L3MBTL4: variants seen among roughly 807,000 people sequenced by gnomAD.
L3MBTL4 encodes the protein lethal(3)malignant brain tumor-like protein 4.
In L3MBTL4, 70 loss-of-function variants were observed where a neutral mutation model predicts 84.5. That is an observed-to-expected ratio of 0.83 (90% CI 0.68 to 1.01). The LOEUF (loss-of-function observed/expected upper bound fraction) is 1.01, where lower values mean the gene tolerates loss of function less well. L3MBTL4 is among the 50% of genes least tolerant of loss of function. The pLI, the probability that L3MBTL4 is intolerant of heterozygous loss-of-function variation, is 0.00. For missense variants in L3MBTL4, 715 were observed against 754.8 expected (o/e 0.95, Z 0.62); for synonymous variants, 274 against 259.8 (o/e 1.05, Z -0.52).
At chr18:6,228,747 TCA>T (rs1201594400) in intron 10 of L3MBTL4, among the ~76,000 whole-genome samples, 1 of 152,050 alleles carries the variant, frequency 6.6e-6, no homozygotes, top group Non-Finnish European at 1.5e-5. Context: ...AAATGTCCCA[TCA>T]TGGAGATGCG....
At chr18:6,388,612 A>G (rs1158874642) in intron 1 of L3MBTL4, among the ~76,000 whole-genome samples, 1 of 152,188 alleles carries the variant, frequency 6.6e-6, no homozygotes, top group Admixed American at 6.5e-5. Flanking sequence ...ATGGAGAAGA[A>G]ATTGAAAATG....
chr18:6,304,152 T>C (rs1277520883), intron 3 of L3MBTL4, among the ~76,000 whole-genome samples: 1 of 152,208 alleles, frequency 6.6e-6, no homozygotes. Context: ...ATAAATACTA[T>C]TAATTTCATT....
At chr18:6,071,483 C>A (rs1568065458) in intron 16 of L3MBTL4, among the ~76,000 whole-genome samples, 1 of 150,092 alleles carries the variant, frequency 6.7e-6, no homozygotes, top group Non-Finnish European at 1.5e-5. Flanking sequence ...TTAAGAGACT[C>A]CTGTTGACTG....
intron 11 of L3MBTL4, among the ~76,000 whole-genome samples, chr18:6,215,214 A>C (rs919240016): frequency 1.5e-4 from 23 of 152,244 alleles, no homozygotes; most frequent in Non-Finnish European, 2.8e-4. Context: ...CTTTAACTGT[A>C]CTACCTATGT....
intron 16 of L3MBTL4, chr18:6,030,649 C>A: frequency 1.1e-6 from 1 of 901,082 alleles, no homozygotes; most frequent in Non-Finnish European, 1.3e-6. Context: ...CAGGTGCCTG[C>A]CACCACACCC....
intron 1 of L3MBTL4, among the ~76,000 whole-genome samples, chr18:6,363,398 A>G (rs575099251): frequency 1.1e-4 from 17 of 152,090 alleles, no homozygotes; most frequent in Non-Finnish European, 1.3e-4. Flanking sequence ...CACCACCTCC[A>G]AACTGCAATG....
intron 16 of L3MBTL4, among the ~76,000 whole-genome samples, chr18:6,008,044 G>A (rs528225473): frequency 6.6e-6 from 1 of 152,316 alleles, no homozygotes; most frequent in East Asian, 1.9e-4. Context: ...AGATAGTTGT[G>A]TTTTATGTTT....
At chr18:6,053,109 A>G (rs1449935337) in intron 16 of L3MBTL4, among the ~76,000 whole-genome samples, 1 of 152,232 alleles carries the variant, frequency 6.6e-6, no homozygotes, top group Non-Finnish European at 1.5e-5. Context: ...ATTTCCAGCT[A>G]GTGTTGGCTC....
At chr18:6,025,790 G>A (rs554746) in intron 16 of L3MBTL4, among the ~76,000 whole-genome samples, 25,547 of 152,062 alleles carry the variant, frequency 0.17, 2,728 homozygotes, top group African/African-American at 0.29. Flanking sequence ...TAGGGTTCAC[G>A]CTCCTATGAG....
chr18:6,034,393 C>A (rs939399219), intron 16 of L3MBTL4, among the ~76,000 whole-genome samples: 1 of 151,804 alleles, frequency 6.6e-6, no homozygotes, highest in Admixed American at 6.6e-5. Context: ...TAAGAATATG[C>A]GGTGTTTGGT....
intron 9 of L3MBTL4, among the ~76,000 whole-genome samples, chr18:6,239,070 G>T (rs994410554): frequency 6.6e-6 from 1 of 152,156 alleles, no homozygotes; most frequent in East Asian, 1.9e-4. Context: ...GGCCAGGCGC[G>T]GTGGCTCACG....
At chr18:5,962,067 C>T (rs2095266262) in intron 17 of L3MBTL4, among the ~76,000 whole-genome samples, 1 of 152,078 alleles carries the variant, frequency 6.6e-6, no homozygotes, top group South Asian at 2.1e-4. Flanking sequence ...GCTGGTGGTG[C>T]TTGAATTTTC....
At chr18:6,114,810 C>A (rs2059306851) in intron 14 of L3MBTL4, among the ~76,000 whole-genome samples, 1 of 152,126 alleles carries the variant, frequency 6.6e-6, no homozygotes, top group African/African-American at 2.4e-5. Context: ...GATGCAGGAC[C>A]CAGTGATGGT....
chr18:5,981,502 G>A (rs182302199), intron 16 of L3MBTL4, among the ~76,000 whole-genome samples: 33 of 152,258 alleles, frequency 2.2e-4, no homozygotes, highest in Middle Eastern at 6.8e-3. Context: ...TTCGTTATGG[G>A]ATTCAGGTCC....
In L3MBTL4 at chr18:6,241,438, C is replaced by T. The variant is rs745943777; in HGVS notation, c.472G>A (p.Asp158Asn). ...ELHIPKGYRK[D>N]KFVWMDYLKA... ...AAGTAATCCATCCAAACAAATTTATCTTTTCTATAACCTAAAAAAAGCACA... is the reference window on the plus strand; with the variant it reads ...AAGTAATCCATCCAAACAAATTTATTTTTTCTATAACCTAAAAAAAGCACA... Residue 158 changes from aspartate (D) to asparagine (N), a missense_variant, in exon 8 of 19, where the codon GAT becomes AAT. Transcript: ENST00000317931. 1 of 1,582,692 alleles carries T rather than the reference C, an allele frequency of 6.3e-7. No homozygotes were observed. Among genetic ancestry groups the T allele is most frequent in the Non-Finnish European group, 8.6e-7 (1 of 1,158,014 alleles).
At chr18:6,275,180 T>C (rs527451868) in intron 4 of L3MBTL4, among the ~76,000 whole-genome samples, 1 of 152,096 alleles carries the variant, frequency 6.6e-6, no homozygotes, top group South Asian at 2.1e-4. Context: ...ATGGGGTTGG[T>C]AGGGCCAAGA....
At chr18:6,123,214 A>C (rs2059581744) in intron 14 of L3MBTL4, among the ~76,000 whole-genome samples, 1 of 152,222 alleles carries the variant, frequency 6.6e-6, no homozygotes, top group African/African-American at 2.4e-5. Flanking sequence ...AGTGAAATGC[A>C]CATAGAATAA....
intron 16 of L3MBTL4, chr18:6,032,078 A>C (rs1190283628): frequency 4.9e-6 from 1 of 203,466 alleles, no homozygotes; most frequent in African/African-American, 2.4e-5. Context: ...CCCAGGTTCA[A>C]GCAATTCTCC....
intron 1 of L3MBTL4, among the ~76,000 whole-genome samples, chr18:6,351,997 C>T (rs2053222530): frequency 6.6e-6 from 1 of 150,890 alleles, no homozygotes; most frequent in African/African-American, 2.5e-5. Flanking sequence ...AAGTTGATTT[C>T]TTTATAAAAA....
Sources: gnomAD v4.1 joint callset for allele counts (sites outside exome capture counted in the v4.1 genomes callset) on GRCh38, gnomAD v4.1.1 for gene constraint, MANE v1.5 for transcripts, NCBI Gene and HGNC (gene_info 2026-07-23, HGNC 2026-07-21) for gene names.